The following CA1 variants were observed in gnomAD, a reference collection of about 807,000 sequenced individuals.
CA1 encodes the protein carbonate dehydratase I.
A neutral mutation model predicts 28.8 loss-of-function variants in CA1; 27 were observed. The observed-to-expected ratio is 0.94, with a 90% CI of 0.69 to 1.29. The LOEUF (loss-of-function observed/expected upper bound fraction) is 1.29. Among genes scored for constraint, CA1 ranks in the 50% most tolerant of loss-of-function variants. The pLI is 0.00. For synonymous variants in CA1, 121 were observed against 108.8 expected (o/e 1.11, Z -0.70); for missense variants, 335 against 310.5 (o/e 1.08, Z -0.59).
chr8:85,366,630 A>G (rs1810018041), intron 1 of CA1, among the ~76,000 whole-genome samples: 1 of 152,246 alleles, frequency 6.6e-6, no homozygotes, highest in Non-Finnish European at 1.5e-5. Flanking sequence ...GTGAAATTGA[A>G]AAATTAACAA....
chr8:85,372,638 C>CAG, intron 1 of CA1, among the ~76,000 whole-genome samples: 1 of 152,336 alleles, frequency 6.6e-6, no homozygotes, highest in Admixed American at 6.5e-5. Flanking sequence ...TCCCCCTTAA[C>CAG]CAAAGCTTTG....
At chr8:85,352,206 C>G (rs1319511232) in intron 1 of CA1, among the ~76,000 whole-genome samples, 2 of 152,134 alleles carry the variant, frequency 1.3e-5, no homozygotes, top group African/African-American at 4.8e-5. Context: ...GTTTTGAACT[C>G]AATGATCCAT....
chr8:85,341,609 A>G lies in CA1; in HGVS notation c.27T>C (p.Asp9=), dbSNP rs762468080. ...CAGGAGAACTCTTACCATTTTTGTC[A>G]TCATATCCCCAGTCTGGACTTGCCA... MASPDWGY[D]DKNGPEQWSK... Residue 9 remains aspartate (D), a synonymous_variant, in exon 2 of 8, where the codon GAT becomes GAC. Coordinates refer to ENST00000523022, the MANE Select transcript of CA1 (RefSeq NM_001128831.4). The G allele has an allele frequency of 1.2e-5, 19 of 1,595,846 alleles. No homozygotes were observed. Among genetic ancestry groups the G allele is most frequent in the Non-Finnish European group, 1.5e-5 (18 of 1,163,642 alleles).
chr8:85,334,443 T>A (rs1254233962), intron 4 of CA1, among the ~76,000 whole-genome samples: 1 of 152,222 alleles, frequency 6.6e-6, no homozygotes, highest in Non-Finnish European at 1.5e-5. Context: ...AATGGCAGAC[T>A]TTTGTCTTGA....
intron 1 of CA1, among the ~76,000 whole-genome samples, chr8:85,353,289 T>C (rs1786663646): frequency 6.6e-6 from 1 of 152,224 alleles, no homozygotes. Flanking sequence ...ATATTTTTAT[T>C]TATGATCTTA....
At chr8:85,376,287 G>A (rs978409959) in intron 1 of CA1, among the ~76,000 whole-genome samples, 6 of 151,934 alleles carry the variant, frequency 3.9e-5, no homozygotes, top group African/African-American at 1.5e-4. Flanking sequence ...CAGAGATCAT[G>A]CCACTACACT....
intron 1 of CA1, among the ~76,000 whole-genome samples, chr8:85,354,286 C>CT (rs201303677): frequency 5.5e-5 from 3 of 54,686 alleles, no homozygotes; most frequent in Non-Finnish European, 6.8e-5. Flanking sequence ...ATTTTTCTTT[C>CT]TTTTTTTTCT....
chr8:85,343,391 C>G (rs758069806), intron 1 of CA1, among the ~76,000 whole-genome samples: 7 of 152,134 alleles, frequency 4.6e-5, no homozygotes, highest in African/African-American at 1.7e-4. Flanking sequence ...ATTTGCTTAG[C>G]CTTCCACTGT....
At chr8:85,333,666 G>T in intron 4 of CA1, 46 bp from the exon 5 acceptor site, 1 of 1,230,524 alleles carries the variant, frequency 8.1e-7, no homozygotes, top group South Asian at 1.2e-5. Context: ...CCAGTGTGAT[G>T]AAAAAAGATA....
intron 1 of CA1, among the ~76,000 whole-genome samples, chr8:85,355,603 T>G (rs1464471029): frequency 6.7e-6 from 1 of 149,846 alleles, no homozygotes; most frequent in African/African-American, 2.5e-5. Context: ...GTCTTGCTAT[T>G]TTGCTCAGGC....
At chr8:85,354,859 A>G (rs909741505) in intron 1 of CA1, among the ~76,000 whole-genome samples, 1 of 152,226 alleles carries the variant, frequency 6.6e-6, no homozygotes, top group Non-Finnish European at 1.5e-5. Context: ...AGCTAGATTT[A>G]GGTTAGCTTG....
chr8:85,373,714 T>C (rs893415046), intron 1 of CA1, among the ~76,000 whole-genome samples: 7 of 152,122 alleles, frequency 4.6e-5, no homozygotes, highest in African/African-American at 1.7e-4. Flanking sequence ...TCCTCACAGA[T>C]AAGGGGGACT....
chr8:85,350,937 C>T (rs1050655681), intron 1 of CA1, among the ~76,000 whole-genome samples: 1 of 152,272 alleles, frequency 6.6e-6, no homozygotes. Context: ...CCAGGGTTCA[C>T]GTTCGATGTT....
At chr8:85,358,259 C>T (rs1809672819) in intron 1 of CA1, among the ~76,000 whole-genome samples, 1 of 152,176 alleles carries the variant, frequency 6.6e-6, no homozygotes, top group South Asian at 2.1e-4. Flanking sequence ...TGTGCTTTCT[C>T]ATCACCAGCT....
intron 7 of CA1, among the ~76,000 whole-genome samples, chr8:85,329,300 C>T (rs914581503): frequency 4.6e-5 from 7 of 152,058 alleles, no homozygotes; most frequent in African/African-American, 1.7e-4. Context: ...AGTTTAAGCT[C>T]CACAAAAGGA....
At chr8:85,370,602 T>A (rs1246275195) in intron 1 of CA1, among the ~76,000 whole-genome samples, 1 of 151,974 alleles carries the variant, frequency 6.6e-6, no homozygotes, top group East Asian at 1.9e-4. Flanking sequence ...TCAGTAGAGA[T>A]GCTTTTTATT....
At chr8:85,336,904 ACT>A (rs1175577818) in intron 4 of CA1, 39 bp downstream of exon 4, 1 of 1,157,638 alleles carries the variant, frequency 8.6e-7, no homozygotes, top group Admixed American at 1.7e-5. Context: ...TTCTGGGAGT[ACT>A]CTCAGGGTAA....
At chr8:85,365,984 A>T (rs183519736) in intron 1 of CA1, among the ~76,000 whole-genome samples, 1 of 152,116 alleles carries the variant, frequency 6.6e-6, no homozygotes, top group Non-Finnish European at 1.5e-5. Context: ...GGTGCAATCA[A>T]TGAAACCCAG....
At chr8:85,334,047 C>T (rs965106155) in intron 4 of CA1, among the ~76,000 whole-genome samples, 21 of 152,192 alleles carry the variant, frequency 1.4e-4, no homozygotes, top group East Asian at 7.7e-4. Flanking sequence ...CTTTCAGGCA[C>T]GTTCGTGCCC....
Sources: allele counts gnomAD v4.1 joint callset (sites outside exome capture counted in the v4.1 genomes callset), GRCh38; gene constraint gnomAD v4.1.1; transcripts MANE v1.5; gene names NCBI Gene and HGNC (gene_info 2026-07-23, HGNC 2026-07-21).